SHB: variants seen among roughly 807,000 people sequenced by gnomAD.
SHB encodes SH2 domain-containing adapter protein B.
Under a neutral mutation model 52.3 loss-of-function variants are expected in SHB, and 20 were observed. The observed-to-expected ratio is 0.38, with a 90% CI of 0.27 to 0.56. SHB has a LOEUF of 0.56. SHB is among the 20% of genes least tolerant of loss of function. The pLI, the probability that SHB is intolerant of heterozygous loss-of-function variation, is 0.71. For missense variants in SHB, 825 were observed against 723.3 expected (o/e 1.14, Z -1.61); for synonymous variants, 397 against 316.5 (o/e 1.25, Z -2.70).
At chr9:38,021,295 G>A (rs566543619) in intron 1 of SHB, among the ~76,000 whole-genome samples, 6 of 151,704 alleles carry the variant, frequency 4.0e-5, no homozygotes, top group East Asian at 3.9e-4. Context: ...AGCCGAGATC[G>A]CGCCATTGCA....
intron 1 of SHB, among the ~76,000 whole-genome samples, chr9:38,057,829 C>A (rs1273721976): frequency 1.3e-5 from 2 of 152,252 alleles, no homozygotes; most frequent in African/African-American, 4.8e-5. Flanking sequence ...AGTGAACCCA[C>A]AATATAAGGG....
At chr9:37,955,023 A>C (rs980665137) in intron 4 of SHB, among the ~76,000 whole-genome samples, 1 of 152,126 alleles carries the variant, frequency 6.6e-6, no homozygotes, top group Admixed American at 6.5e-5. Flanking sequence ...TCTCTGGGCA[A>C]AGGGGCTGGG....
At chr9:38,053,525 C>T (rs564034146) in intron 1 of SHB, among the ~76,000 whole-genome samples, 1 of 152,316 alleles carries the variant, frequency 6.6e-6, no homozygotes, top group Non-Finnish European at 1.5e-5. Flanking sequence ...GTGTGAGCCA[C>T]CACACCCAGC....
intron 3 of SHB, among the ~76,000 whole-genome samples, chr9:37,958,063 A>G (rs779338768): frequency 6.6e-6 from 1 of 152,194 alleles, no homozygotes; most frequent in Non-Finnish European, 1.5e-5. Flanking sequence ...GCTTCCTTAC[A>G]GGATTGCTGT....
At chr9:37,987,870 G>A (rs143465091) in intron 2 of SHB, among the ~76,000 whole-genome samples, 12 of 152,220 alleles carry the variant, frequency 7.9e-5, no homozygotes, top group Admixed American at 2.0e-4. Context: ...ACTGGTAGTG[G>A]GGGCAGGGTG....
At chr9:38,046,470 GC>G (rs150370459) in intron 1 of SHB, among the ~76,000 whole-genome samples, 2,720 of 152,242 alleles carry the variant, frequency 0.018, 28 homozygotes, top group Non-Finnish European at 0.027. Context: ...GATGCTCGAA[GC>G]CCCCCCGGGT....
At chr9:37,992,732 G>C (rs1328767117) in intron 2 of SHB, among the ~76,000 whole-genome samples, 5 of 152,176 alleles carry the variant, frequency 3.3e-5, no homozygotes, top group African/African-American at 1.2e-4. Context: ...AAATGAACTA[G>C]ACAGCACCAA....
Position 37,943,002 on chromosome 9 carries a change from G to A in SHB, c.1346+5633C>T, listed in dbSNP as rs1289599567. Among the ~76,000 whole-genome samples, 5 of 152,166 alleles carry A rather than the reference G, an allele frequency of 3.3e-5. No homozygotes were observed. In the East Asian group the frequency reaches 9.6e-4, roughly 29 times the overall value. ...ACTCATGGTTCTAGAATACAGCCCTGACAATAGCACTGCATCCTGTTTCAA... is the reference window on the plus strand; with the variant it reads ...ACTCATGGTTCTAGAATACAGCCCTAACAATAGCACTGCATCCTGTTTCAA... On this transcript the variant is annotated intron_variant, in intron 5 of 5. Coordinates refer to ENST00000377707, the MANE Select transcript of SHB (RefSeq NM_003028.3).
At position 37,920,040 on chromosome 9, in the gene SHB, C is replaced by G. The variant is rs779260822; in HGVS notation, c.1347-36G>C. The G allele has an allele frequency of 5.1e-6, 8 of 1,564,898 alleles. No homozygotes were observed. In the African/African-American group the frequency reaches 8.1e-5, roughly 16 times the overall value. Reference sequence around the variant, plus strand: ...AACACAGAGTTATCAGAACTACCCCCCTGACACTCAGGCTGAGGCCAAGGG... The same window carrying G: ...AACACAGAGTTATCAGAACTACCCCGCTGACACTCAGGCTGAGGCCAAGGG... On this transcript the variant is annotated intron_variant, in intron 5 of 5. Coordinates refer to ENST00000377707, the MANE Select transcript of SHB (RefSeq NM_003028.3).
At chr9:37,984,093 C>T (rs1205609362) in intron 2 of SHB, among the ~76,000 whole-genome samples, 1 of 152,218 alleles carries the variant, frequency 6.6e-6, no homozygotes, top group Non-Finnish European at 1.5e-5. Flanking sequence ...TAAATGAATC[C>T]ATATACGTCA....
intron 2 of SHB, among the ~76,000 whole-genome samples, chr9:37,998,102 C>A (rs1199740378): frequency 6.6e-6 from 1 of 152,212 alleles, no homozygotes; most frequent in South Asian, 2.1e-4. Flanking sequence ...CCGTGCCCAA[C>A]TGCCTGCTTG....
intron 2 of SHB, among the ~76,000 whole-genome samples, chr9:38,006,696 C>T (rs538357068): frequency 2.0e-5 from 3 of 152,352 alleles, no homozygotes; most frequent in East Asian, 1.9e-4. Context: ...CGCTGACAAA[C>T]GCTCAGCAGG....
chr9:37,925,515 T>A (rs1456200854), intron 5 of SHB, among the ~76,000 whole-genome samples: 2 of 152,236 alleles, frequency 1.3e-5, no homozygotes, highest in Non-Finnish European at 2.9e-5. Flanking sequence ...GACTTATTCC[T>A]GAGGCCACTC....
intron 1 of SHB, among the ~76,000 whole-genome samples, chr9:38,037,414 T>C (rs1821502465): frequency 6.6e-6 from 1 of 152,200 alleles, no homozygotes; most frequent in South Asian, 2.1e-4. Flanking sequence ...CCAGGGGGTC[T>C]TCACTCATAC....
At chr9:37,982,185 C>CA (rs1209804934) in intron 2 of SHB, among the ~76,000 whole-genome samples, 2 of 152,080 alleles carry the variant, frequency 1.3e-5, no homozygotes, top group African/African-American at 4.8e-5. Context: ...TGGAGAGTCT[C>CA]AAAATCTGTA....
chr9:37,948,766 G>A lies in SHB; in HGVS notation c.1227-12C>T. 2 of 1,613,436 alleles carry A rather than the reference G, an allele frequency of 1.2e-6. No homozygotes were observed. Among genetic ancestry groups the A allele is most frequent in the Non-Finnish European group, 8.5e-7 (1 of 1,179,968 alleles). On this transcript the variant is annotated splice_polypyrimidine_tract_variant and intron_variant, in intron 4 of 5. Coordinates refer to ENST00000377707, the MANE Select transcript of SHB (RefSeq NM_003028.3). Reference sequence around the variant, plus strand: ...CTCCGTGATACCATCTGTGGAGAGGGCAGAGAGTGGTCAGAGCCCAGCGCG... The same window carrying A: ...CTCCGTGATACCATCTGTGGAGAGGACAGAGAGTGGTCAGAGCCCAGCGCG...
chr9:37,991,552 C>G (rs1463078492), intron 2 of SHB, among the ~76,000 whole-genome samples: 1 of 152,206 alleles, frequency 6.6e-6, no homozygotes, highest in African/African-American at 2.4e-5. Context: ...TGACCCTGGT[C>G]ATCCACAGAG....
chr9:38,002,833 C>T (rs553353272), intron 2 of SHB, among the ~76,000 whole-genome samples: 1 of 152,286 alleles, frequency 6.6e-6, no homozygotes, highest in East Asian at 1.9e-4. Flanking sequence ...GCATCAAGTT[C>T]CCTGGGGTGG....
chr9:37,916,174 C>A lies in SHB; in HGVS notation c.*3647G>T, dbSNP rs1399431464. 3.3e-5 allele frequency among the ~76,000 whole-genome samples: 5 copies of A among 152,248 alleles called. No homozygotes were observed. The East Asian group carries it at 9.6e-4, about 29-fold the overall frequency. On this transcript the variant is annotated 3_prime_UTR_variant, in exon 6 of 6. Transcript: ENST00000377707. ...CCCACATCTAAGACTGTGCGCCCTG[C>A]ACTCCCTCTGGATGGCTTGCCGAAT...
Sources: allele counts gnomAD v4.1 joint callset (sites outside exome capture counted in the v4.1 genomes callset), GRCh38; gene constraint gnomAD v4.1.1; transcripts MANE v1.5; gene names NCBI Gene and HGNC (gene_info 2026-07-23, HGNC 2026-07-21).